LRTM1: variants seen among roughly 807,000 people sequenced by gnomAD.
LRTM1 encodes leucine-rich repeat and transmembrane domain-containing protein 1.
Under a neutral mutation model 32.4 loss-of-function variants are expected in LRTM1, and 38 were observed. The observed-to-expected ratio is 1.17, with a 90% CI of 0.91 to 1.54. The LOEUF (loss-of-function observed/expected upper bound fraction) is 1.54. Among genes scored for constraint, LRTM1 ranks in the 40% most tolerant of loss-of-function variants. LRTM1 has a pLI of 0.00. For synonymous variants in LRTM1, 186 were observed against 169.9 expected (o/e 1.09, Z -0.74); for missense variants, 466 against 415.4 (o/e 1.12, Z -1.06).
chr3:54,918,488 T>C lies in LRTM1; in HGVS notation c.1009A>G (p.Lys337Glu). 6.2e-7 allele frequency: 1 copy of C among 1,613,890 alleles called. No individual in the cohort carries two copies. The highest frequency in any genetic ancestry group is 8.5e-7 in the Non-Finnish European group (1 of 1,179,876). ...QTNDPGKVEE[K>E]ERFDSSPA ...GCTGGTGAGCTGTCAAATCGCTCTT[T>C]TTCTTCCACCTTCCCAGGATCATTG... The change falls in exon 3 of 3, where the codon AAA (lysine) becomes GAA (glutamate). Residue 337 changes from lysine (K) to glutamate (E), a missense_variant. Transcript: ENST00000273286.
chr3:54,961,009 C>G (rs1306675661), intron 1 of LRTM1, among the ~76,000 whole-genome samples: 1 of 152,096 alleles, frequency 6.6e-6, no homozygotes, highest in African/African-American at 2.4e-5. Context: ...ATGAAATATT[C>G]CCAAAAAATG....
In LRTM1 at chr3:54,924,767, C is replaced by G. The variant is rs376696012; in HGVS notation, c.456G>C (p.Ala152=). 3.1e-6 allele frequency: 5 copies of G among 1,613,932 alleles called. No homozygotes were observed. The African/African-American group carries it at 5.3e-5, about 17-fold the overall frequency. ...GETWENLTIL[A]VQQNQLQQLD... is the part of the protein sequence containing the mutation. ...GCTGCTGAAGCTGGTTTTGTTGAACCGCAAGTATAGTTAGGTTCTCCCAAG... is the reference window on the plus strand; with the variant it reads ...GCTGCTGAAGCTGGTTTTGTTGAACGGCAAGTATAGTTAGGTTCTCCCAAG... The change falls in exon 2 of 3, where the codon GCG becomes GCC. Residue 152 remains alanine (A), a synonymous_variant. Transcript: ENST00000273286.
At chr3:54,940,126 G>A (rs1701430545) in intron 1 of LRTM1, among the ~76,000 whole-genome samples, 3 of 152,122 alleles carry the variant, frequency 2.0e-5, no homozygotes, top group Admixed American at 6.5e-5. Flanking sequence ...CACCACATTG[G>A]TGTCTAGTCT....
At chr3:54,951,006 A>G (rs1450333699) in intron 1 of LRTM1, among the ~76,000 whole-genome samples, 1 of 152,206 alleles carries the variant, frequency 6.6e-6, no homozygotes, top group Non-Finnish European at 1.5e-5. Context: ...TTAAATAATC[A>G]TTTGTAATAT....
intron 1 of LRTM1, among the ~76,000 whole-genome samples, chr3:54,925,847 A>C (rs1235566253): frequency 6.6e-6 from 1 of 152,242 alleles, no homozygotes; most frequent in African/African-American, 2.4e-5. Flanking sequence ...GGGCAGATCT[A>C]AAGCGCTGCT....
intron 2 of LRTM1, among the ~76,000 whole-genome samples, chr3:54,919,332 G>T (rs1226809132): frequency 6.6e-6 from 1 of 152,198 alleles, no homozygotes; most frequent in Non-Finnish European, 1.5e-5. Flanking sequence ...AATGTGCATT[G>T]TTGTGATGTT....
At chr3:54,940,518 A>G (rs1311569892) in intron 1 of LRTM1, among the ~76,000 whole-genome samples, 1 of 152,204 alleles carries the variant, frequency 6.6e-6, no homozygotes, top group Non-Finnish European at 1.5e-5. Flanking sequence ...ATTTGCTGTC[A>G]GGGTGAACTC....
Position 54,954,499 on chromosome 3 carries a change from A to G in LRTM1, c.-222+12429T>C, listed in dbSNP as rs141587020. On this transcript the variant is annotated intron_variant, in intron 1 of 2. Coordinates refer to the LRTM1 transcript ENST00000493075. ...TAGGAAGGCAGATGCCTGCCCAGAC[A>G]TCAGGGTGCATATCTTTCTGTCGGG... is the stretch of plus-strand genomic sequence containing the variant. 2.7e-3 allele frequency among the ~76,000 whole-genome samples: 414 copies of G among 152,364 alleles called. 2 individuals are homozygous for G. Among genetic ancestry groups the G allele is most frequent in the African/African-American group, 9.6e-3 (399 of 41,600 alleles).
intron 1 of LRTM1, among the ~76,000 whole-genome samples, chr3:54,940,184 G>C (rs1340835197): frequency 6.6e-6 from 1 of 152,216 alleles, no homozygotes; most frequent in Non-Finnish European, 1.5e-5. Flanking sequence ...CCTGGAGACA[G>C]ATTAGCTAAC....
upstream of LRTM1, among the ~76,000 whole-genome samples, chr3:54,929,409 T>TGGAAACTGGCCCTTCGTGCCAC (rs1701125055): frequency 6.6e-6 from 1 of 152,184 alleles, no homozygotes; most frequent in African/African-American, 2.4e-5. Context: ...CAGAGGGCCA[T>TGGAAACTGGCCCTTCGTGCCAC]GGAACCTGGC....
At chr3:54,919,204 C>T (rs529112740) in intron 2 of LRTM1, among the ~76,000 whole-genome samples, 1 of 152,272 alleles carries the variant, frequency 6.6e-6, no homozygotes, top group East Asian at 1.9e-4. Flanking sequence ...CGCTGGGGGC[C>T]GATGGTGAGG....
chr3:54,943,763 A>G (rs1559639646), intron 1 of LRTM1, among the ~76,000 whole-genome samples: 1 of 151,900 alleles, frequency 6.6e-6, no homozygotes, highest in East Asian at 1.9e-4. Flanking sequence ...GTGTCATCCT[A>G]TTTCAGTCCG....
Position 54,925,193 on chromosome 3 carries a change from A to G in LRTM1, c.30T>C (p.Ser10=), listed in dbSNP as rs1189248658. The change falls in exon 2 of 3, where the codon AGT becomes AGC. Residue 10 remains serine, a synonymous_variant. Transcript: ENST00000273286. The stretch of plus-strand genomic sequence containing the variant: ...ATACCACCTGGAGCAGGACAATCAC[A>G]CTGGAAAACAGGAGCAGTTCACCTA... MKGELLLFS[S]VIVLLQVVCS... The G allele has an allele frequency of 3.1e-6, 5 of 1,612,212 alleles. No individual in the cohort carries two copies. Among genetic ancestry groups the G allele is most frequent in the Non-Finnish European group, 4.2e-6 (5 of 1,178,602 alleles).
chr3:54,934,492 G>A lies in LRTM1; in HGVS notation c.-221-9277C>T, dbSNP rs959281140. On this transcript the variant is annotated intron_variant, in intron 1 of 2. Coordinates refer to the LRTM1 transcript ENST00000493075. ...CCGTTTACTGCATATGAATATCAGC[G>A]GAGTTTGAACTCCCTTTAGCAGGCC... Among the ~76,000 whole-genome samples, 6 of 152,106 alleles carry A rather than the reference G, an allele frequency of 3.9e-5. 1 individual carries two copies. The South Asian group carries it at 6.2e-4, about 16-fold the overall frequency.
chr3:54,947,767 A>T (rs1056426469), intron 1 of LRTM1, among the ~76,000 whole-genome samples: 4 of 152,196 alleles, frequency 2.6e-5, no homozygotes, highest in Non-Finnish European at 5.9e-5. Context: ...CTTGGATGCT[A>T]GCCCTAAGGC....
chr3:54,931,460 C>T (rs1559634890), upstream of LRTM1, among the ~76,000 whole-genome samples: 1 of 152,156 alleles, frequency 6.6e-6, no homozygotes, highest in Non-Finnish European at 1.5e-5. Context: ...TTCTTTCTCC[C>T]TCCCTCCCGT....
At chr3:54,947,355 A>T (rs1464301300) in intron 1 of LRTM1, among the ~76,000 whole-genome samples, 3 of 152,200 alleles carry the variant, frequency 2.0e-5, no homozygotes, top group Admixed American at 2.0e-4. Flanking sequence ...TAAGAGACAG[A>T]AAACAAGGTG....
At chr3:54,922,254 G>C (rs1200076602) in intron 2 of LRTM1, among the ~76,000 whole-genome samples, 2 of 151,534 alleles carry the variant, frequency 1.3e-5, no homozygotes, top group Non-Finnish European at 2.9e-5. Context: ...CCACCAGCAA[G>C]TTTGTGGCAG....
chr3:54,924,304 C>G (rs555348429), intron 2 of LRTM1, among the ~76,000 whole-genome samples: 11 of 152,316 alleles, frequency 7.2e-5, no homozygotes, highest in African/African-American at 2.2e-4. Flanking sequence ...TGGGGTTGAG[C>G]AGTTATTCAG....
Sources: gnomAD v4.1 joint callset for allele counts (sites outside exome capture counted in the v4.1 genomes callset) on GRCh38, gnomAD v4.1.1 for gene constraint, MANE v1.5 for transcripts, NCBI Gene and HGNC (gene_info 2026-07-23, HGNC 2026-07-21) for gene names.